Variants in FREM2 observed in about 807,000 individuals in gnomAD.
The protein encoded by FREM2 is FRAS1 related extracellular matrix 2, also known as FRAS1-related extracellular matrix protein 2.
In FREM2, 119 loss-of-function variants were observed where a neutral mutation model predicts 219.9. The observed-to-expected ratio is 0.54, with a 90% CI of 0.47 to 0.63. The LOEUF (loss-of-function observed/expected upper bound fraction) is 0.63. FREM2 is among the 30% of genes least tolerant of loss of function. The pLI is 0.00. For missense variants in FREM2, 4,030 were observed against 3,993.6 expected, an observed-to-expected ratio of 1.01 and a Z score of -0.25; for synonymous variants, 1,562 against 1,522.8, an observed-to-expected ratio of 1.03 and a Z score of -0.60.
At chr13:38,732,313 C>T (rs1871798428) in intron 2 of FREM2, among the ~76,000 whole-genome samples, 1 of 152,158 alleles carries the variant, frequency 6.6e-6, no homozygotes, top group South Asian at 2.1e-4. Context: ...TTGCCAAATT[C>T]CTGATTGGAC....
Position 38,856,269 on chromosome 13 carries a change from A to G in FREM2, c.7056+13A>G, listed in dbSNP as rs535196883. On this transcript the variant is annotated intron_variant, in intron 12 of 23. Coordinates refer to ENST00000280481, the MANE Select transcript of FREM2 (RefSeq NM_207361.6). ...AGCAGAGATGCAGGTAAGTAATGTA[A>G]TGTGTATGTAAATTCATGGCTAGCA... 41 of 1,609,398 alleles carry G rather than the reference A, an allele frequency of 2.5e-5. No homozygotes were observed. In the Middle Eastern group the frequency reaches 5.0e-4, roughly 20 times the overall value.
At chr13:38,784,183 T>C (rs1013339399) in intron 5 of FREM2, among the ~76,000 whole-genome samples, 10 of 152,308 alleles carry the variant, frequency 6.6e-5, no homozygotes, top group Middle Eastern at 3.4e-3. Flanking sequence ...AGTTACCAAA[T>C]GTGTAAAGCC....
chr13:38,691,420 G>T lies in FREM2; in HGVS notation c.4076G>T (p.Gly1359Val), dbSNP rs2138070621. 6.2e-7 allele frequency: 1 copy of T among 1,614,138 alleles called. No individual in the cohort carries two copies. Among genetic ancestry groups the T allele is most frequent in the East Asian group, 2.2e-5 (1 of 44,882 alleles). The change falls in exon 1 of 24, where the codon GGT becomes GTT. Residue 1359 changes from glycine (G) to valine (V), a missense_variant. Physicochemically the swap from Gly to Val is moderately radical, Grantham distance 109. This residue lies in a region of FREM2 where 3,102 missense variants were observed against 2,950.7 expected (regional missense o/e 1.05). Transcript: ENST00000280481. ...TTATTACAGAGACGAAAACCTACTG[G>T]TGCCTTTGAAAATATCACACTGGGC... ...HGLLQRRKPT[G>V]AFENITLGMN...
chr13:38,800,950 C>T (rs565287127), intron 6 of FREM2, among the ~76,000 whole-genome samples: 97 of 152,226 alleles, frequency 6.4e-4, no homozygotes, highest in African/African-American at 2.3e-3. Context: ...TTTTTTAACC[C>T]TTTCATTCTC....
At chr13:38,850,378 C>A (rs1414011798) in intron 9 of FREM2, 143 bp downstream of exon 9, 8 of 721,666 alleles carry the variant, frequency 1.1e-5, no homozygotes, top group Non-Finnish European at 1.9e-5. Context: ...AAAGTGAAAT[C>A]GATTTTTAAC....
rs1368825555 is a variant in FREM2, at chr13:38,687,322, G to T, written c.-23G>T. 2 of 1,582,738 alleles carry T rather than the reference G, an allele frequency of 1.3e-6. No individual in the cohort carries two copies. The highest frequency in any genetic ancestry group is 3.6e-5 in the Admixed American group (2 of 56,286). ...ACTTCGCATGCTCTCAGGCTGACCT[G>T]TCCAAGCCCGAACACCGGGACCATG... On this transcript the variant is annotated 5_prime_UTR_variant, in exon 1 of 24. Coordinates refer to ENST00000280481, the MANE Select transcript of FREM2 (RefSeq NM_207361.6).
chr13:38,803,390 A>T (rs1033693985), intron 6 of FREM2, among the ~76,000 whole-genome samples: 2 of 152,206 alleles, frequency 1.3e-5, no homozygotes, highest in African/African-American at 4.8e-5. Context: ...GGTCTTGATG[A>T]AACCTGTGTC....
intron 2 of FREM2, among the ~76,000 whole-genome samples, chr13:38,734,319 G>A (rs1173503284): frequency 2.6e-5 from 4 of 152,162 alleles, no homozygotes; most frequent in African/African-American, 7.2e-5. Flanking sequence ...CTGGCTGGAG[G>A]CATAGGACAA....
intron 16 of FREM2, among the ~76,000 whole-genome samples, chr13:38,868,452 G>T (rs17527732): frequency 1.1e-3 from 168 of 152,320 alleles, no homozygotes; most frequent in Non-Finnish European, 2.0e-3. Flanking sequence ...GCCCAGGTTC[G>T]TGTAGCTTGT....
chr13:38,790,456 G>A (rs1396529953), intron 6 of FREM2, among the ~76,000 whole-genome samples: 1 of 152,040 alleles, frequency 6.6e-6, no homozygotes, highest in African/African-American at 2.4e-5. Flanking sequence ...CAGAGTTTGT[G>A]AGAGGAAGGT....
chr13:38,714,503 A>G (rs1448190925), intron 2 of FREM2, among the ~76,000 whole-genome samples: 1 of 152,198 alleles, frequency 6.6e-6, no homozygotes, highest in Non-Finnish European at 1.5e-5. Flanking sequence ...AAAATTTTAG[A>G]TAAGAAGGTA....
At chr13:38,729,178 C>G (rs940050411) in intron 2 of FREM2, among the ~76,000 whole-genome samples, 2 of 150,514 alleles carry the variant, frequency 1.3e-5, no homozygotes, top group Non-Finnish European at 2.9e-5. Flanking sequence ...CTTATTTGAT[C>G]ACTGGCATTT....
intron 15 of FREM2, among the ~76,000 whole-genome samples, chr13:38,863,255 G>A (rs1488544660): frequency 6.6e-6 from 1 of 151,980 alleles, no homozygotes; most frequent in Non-Finnish European, 1.5e-5. Flanking sequence ...TCGCCATGTT[G>A]GTCAGGCTGG....
intron 4 of FREM2, among the ~76,000 whole-genome samples, chr13:38,773,291 G>T (rs933201257): frequency 9.2e-5 from 14 of 152,024 alleles, no homozygotes; most frequent in African/African-American, 3.1e-4. Flanking sequence ...AGTGTCTGTG[G>T]CTCTCTGGTT....
chr13:38,692,650 G>A (rs374377621), intron 1 of FREM2, 133 bp downstream of exon 1: 2 of 1,061,644 alleles, frequency 1.9e-6, no homozygotes, highest in South Asian at 2.6e-5. Flanking sequence ...GAGAATATAG[G>A]GACTCACTTT....
Position 38,729,077 on chromosome 13 carries a change from C to T in FREM2, c.5263+31290C>T, listed in dbSNP as rs139003583. Among the ~76,000 whole-genome samples the T allele has an allele frequency of 4.3e-3, 655 of 152,290 alleles. 9 individuals are homozygous for T. Among genetic ancestry groups the T allele is most frequent in the African/African-American group, 0.015 (612 of 41,568 alleles). On this transcript the variant is annotated intron_variant, in intron 2 of 23. Coordinates refer to ENST00000280481, the MANE Select transcript of FREM2 (RefSeq NM_207361.6). ...CTTGAACTCCCGACCTCAGGTGATCCGCCCACCTTGGCCTCCTATCCTTCT... is the reference window on the plus strand; with the variant it reads ...CTTGAACTCCCGACCTCAGGTGATCTGCCCACCTTGGCCTCCTATCCTTCT...
At chr13:38,868,522 A>C (rs1327020219) in intron 16 of FREM2, among the ~76,000 whole-genome samples, 1 of 152,252 alleles carries the variant, frequency 6.6e-6, no homozygotes, top group Non-Finnish European at 1.5e-5. Context: ...AATGTGAGTG[A>C]ATGTGAGAAA....
chr13:38,739,246 T>C (rs1872133655), intron 2 of FREM2, among the ~76,000 whole-genome samples: 1 of 152,084 alleles, frequency 6.6e-6, no homozygotes, highest in Admixed American at 6.6e-5. Flanking sequence ...CAGGAAAATA[T>C]TGGAAAAAGA....
chr13:38,849,022 A>G (rs936645070), intron 8 of FREM2, among the ~76,000 whole-genome samples: 2 of 152,102 alleles, frequency 1.3e-5, no homozygotes, highest in African/African-American at 2.4e-5. Context: ...TGAGGACACC[A>G]GTCACATTGG....
Sources: allele counts gnomAD v4.1 joint callset (sites outside exome capture counted in the v4.1 genomes callset), GRCh38; gene constraint gnomAD v4.1.1; regional missense constraint gnomAD v4.1.1; transcripts MANE v1.5; gene names NCBI Gene and HGNC (gene_info 2026-07-23, HGNC 2026-07-21).